STIL: variants seen among roughly 807,000 people sequenced by gnomAD.
The protein encoded by STIL is SCL-interrupting locus protein.
Under a neutral mutation model 110.1 loss-of-function variants are expected in STIL, and 55 were observed. The observed-to-expected ratio is 0.50, with a 90% CI of 0.40 to 0.63. STIL has a LOEUF of 0.63. Ranked by LOEUF, STIL falls within the 20% of genes least tolerant of loss-of-function variation. The pLI is 0.00. For synonymous variants in STIL, 481 were observed against 530.0 expected (o/e 0.91, Z 1.27); for missense variants, 1,358 against 1,530.0 (o/e 0.89, Z 1.87).
In STIL at chr1:47,262,933, T is replaced by C; in HGVS notation, c.2799A>G (p.Ser933=). 1 of 1,614,202 alleles carries C rather than the reference T, an allele frequency of 6.2e-7. No individual in the cohort carries two copies. Among genetic ancestry groups the C allele is most frequent in the Non-Finnish European group, 8.5e-7 (1 of 1,180,020 alleles). The stretch of plus-strand genomic sequence containing the variant: ...AATCCTGGTAAATTTTCTGGTTATC[T>C]GATGGTTGATGAAGCAAGGGTTGCA... ...HVMQPLLHQP[S]DNQKIYQDLL... Residue 933 remains serine (S), a synonymous_variant, in exon 15 of 17, where the codon TCA becomes TCG. Coordinates refer to ENST00000371877, the MANE Select transcript of STIL (RefSeq NM_001048166.1).
intron 10 of STIL, among the ~76,000 whole-genome samples, chr1:47,285,724 G>A (rs1239246177): frequency 6.6e-6 from 1 of 152,062 alleles, no homozygotes; most frequent in Non-Finnish European, 1.5e-5. Flanking sequence ...CTCCCAAAGT[G>A]CTGGGATTAC....
In STIL at chr1:47,280,549, G is replaced by A; in HGVS notation, c.1909C>T (p.Leu637Phe). ...GGGTGAAATAATGAATGCTTTTGAA[G>A]GGCTTCAGACTGGACATCTTGAATG... is the stretch of plus-strand genomic sequence containing the variant. ...GSIQDVQSEALQKHSLFHPSG... is the reference protein window; with the variant it reads ...GSIQDVQSEAFQKHSLFHPSG... The change falls in exon 12 of 17, where the codon CTT becomes TTT. Residue 637 changes from leucine (L) to phenylalanine (F), a missense_variant. Physicochemically the swap from Leu to Phe is conservative, Grantham distance 22 (BLOSUM62 0). Coordinates refer to ENST00000371877, the MANE Select transcript of STIL (RefSeq NM_001048166.1). The A allele has an allele frequency of 6.2e-7, 1 of 1,614,244 alleles. No individual in the cohort carries two copies. Among genetic ancestry groups the A allele is most frequent in the East Asian group, 2.2e-5 (1 of 44,888 alleles).
Position 47,250,841 on chromosome 1 carries a change from A to G in STIL, c.*295T>C, listed in dbSNP as rs1295545748. 6.3e-6 allele frequency: 2 copies of G among 316,426 alleles called. No individual in the cohort carries two copies. Among genetic ancestry groups the G allele is most frequent in the African/African-American group, 4.3e-5 (2 of 46,898 alleles). The allele number at this position is 316,426 out of a possible 1,614,324, so 19.6% of individuals were successfully genotyped here. On this transcript the variant is annotated 3_prime_UTR_variant, in exon 17 of 17. Transcript: ENST00000371877. The stretch of plus-strand genomic sequence containing the variant: ...CTCAAAAAAAAAAGTACAGTATAAA[A>G]GAGCAGTTGAGACTTAGAGCTGGAT...
At chr1:47,269,423 A>G (rs1644754389) in intron 14 of STIL, among the ~76,000 whole-genome samples, 2 of 152,226 alleles carry the variant, frequency 1.3e-5, no homozygotes, top group Non-Finnish European at 1.5e-5. Context: ...TACATTGTAT[A>G]TTTCAAAATT....
rs139856969 is a variant in STIL at position 47,251,432 on chromosome 1, C to T, written c.3571G>A (p.Ala1191Thr). ...ATATTTCTCAATACTGGCGTATCTG[C>T]GTTGGTCCCCACAGATTCACAGTTA... ...CSNCESVGTNADTPVLRNITN... is the reference protein window; with the variant it reads ...CSNCESVGTNTDTPVLRNITN... The change falls in exon 17 of 17, where the codon GCA (alanine) becomes ACA (threonine). Residue 1191 changes from alanine to threonine, a missense_variant. Transcript: ENST00000371877. 70 of 1,614,034 alleles carry T rather than the reference C, an allele frequency of 4.3e-5. No individual in the cohort carries two copies. The highest frequency in any genetic ancestry group is 5.8e-5 in the Non-Finnish European group (69 of 1,180,042).
intron 10 of STIL, among the ~76,000 whole-genome samples, chr1:47,286,956 CA>C (rs1479659538): frequency 6.6e-6 from 1 of 152,120 alleles, no homozygotes; most frequent in Non-Finnish European, 1.5e-5. Context: ...CTCCTGACCT[CA>C]AGTGATCTGC....
rs1327982293 is a variant in STIL at position 47,263,011 on chromosome 1, C to T, written c.2721G>A (p.Gly907=). The part of the protein sequence containing the change: ...VSMCLQTGPT[G]GASNNSETSE... ...ATGTTTCAGAATTGTTACTGGCACC[C>T]CCTGTTGGTCCAGTCTGTAAACACA... Residue 907 remains glycine, a synonymous_variant, in exon 15 of 17, where the codon GGG becomes GGA. Transcript: ENST00000371877. 3.1e-6 allele frequency: 5 copies of T among 1,614,004 alleles called. No individual in the cohort carries two copies. The highest frequency in any genetic ancestry group is 1.6e-4 in the Middle Eastern group (1 of 6,084).
At chr1:47,294,205 T>C (rs1340152138) in intron 7 of STIL, among the ~76,000 whole-genome samples, 2 of 152,216 alleles carry the variant, frequency 1.3e-5, no homozygotes, top group East Asian at 3.8e-4. Context: ...TTGTCTTCTC[T>C]AGGAAAATGC....
In STIL at chr1:47,260,362, G is replaced by T. The variant is rs1251585559; in HGVS notation, c.3007C>A (p.Leu1003Ile). Residue 1003 changes from leucine (L) to isoleucine (I), a missense_variant, in exon 16 of 17, where the codon CTA (leucine) becomes ATA (isoleucine). Physicochemically the swap from Leu to Ile is conservative, Grantham distance 5. Coordinates refer to ENST00000371877, the MANE Select transcript of STIL (RefSeq NM_001048166.1). ...TCAATTTTTACTCCAAGGCTTCTTAGTTGCTTAAGAGTTGCATTAAGGACA... is the reference window on the plus strand; with the variant it reads ...TCAATTTTTACTCCAAGGCTTCTTATTTGCTTAAGAGTTGCATTAAGGACA... ...DCVLNATLKQ[L>I]RSLGVKIDSP... 1 of 1,614,046 alleles carries T rather than the reference G, an allele frequency of 6.2e-7. No homozygotes were observed. The highest frequency in any genetic ancestry group is 1.1e-5 in the South Asian group (1 of 91,084).
At chr1:47,281,635 C>T (rs1645160742) in intron 11 of STIL, among the ~76,000 whole-genome samples, 1 of 151,986 alleles carries the variant, frequency 6.6e-6, no homozygotes, top group South Asian at 2.1e-4. Flanking sequence ...TAAAATCTTC[C>T]AATAAATGTT....
chr1:47,301,717 G>A lies in STIL; in HGVS notation c.297C>T (p.Arg99=). 1 of 1,613,966 alleles carries A rather than the reference G, an allele frequency of 6.2e-7. No individual in the cohort carries two copies. The highest frequency in any genetic ancestry group is 8.5e-7 in the Non-Finnish European group (1 of 1,179,996). ...CAGGTACTTCTCGACCAGGATCAAA[G>A]CGATCTACTGTCAATGTTACACCTT... ...DEEGVTLTVD[R]FDPGREVPEC... is the part of the protein sequence containing the mutation. Residue 99 remains arginine, a synonymous_variant, in exon 5 of 17, where the codon CGC becomes CGT. Transcript: ENST00000371877.
In STIL at chr1:47,280,507, G is replaced by T. The variant is rs1360207532; in HGVS notation, c.1951C>A (p.Leu651Met). 9 of 1,614,134 alleles carry T rather than the reference G, an allele frequency of 5.6e-6. No homozygotes were observed. Among genetic ancestry groups the T allele is most frequent in the Non-Finnish European group, 7.6e-6 (9 of 1,180,048 alleles). ...SLFHPSGCPALYCNAFCSSSS... is the reference protein window; with the variant it reads ...SLFHPSGCPAMYCNAFCSSSS... ...GAAGAACAGAATGCATTACAGTACAGGGCTGGACATCCACTTGGGTGAAAT... is the reference window on the plus strand; with the variant it reads ...GAAGAACAGAATGCATTACAGTACATGGCTGGACATCCACTTGGGTGAAAT... Residue 651 changes from leucine (L) to methionine (M), a missense_variant, in exon 12 of 17, where the codon CTG (leucine) becomes ATG (methionine). By Grantham distance (15) the Leu-to-Met change is conservative. Transcript: ENST00000371877.
chr1:47,292,469 G>C (rs1645523430), intron 8 of STIL, among the ~76,000 whole-genome samples: 1 of 152,200 alleles, frequency 6.6e-6, no homozygotes, highest in Middle Eastern at 3.4e-3. Context: ...AAAATGTTCA[G>C]TCTACCACTA....
At chr1:47,311,280 T>C (rs1303200540) in intron 1 of STIL, among the ~76,000 whole-genome samples, 3 of 147,734 alleles carry the variant, frequency 2.0e-5, no homozygotes, top group African/African-American at 7.9e-5. Context: ...CTTTTCTTTT[T>C]TTCTTTTTTT....
At chr1:47,259,285 CTTTTTTTTTTT>C (rs3043082) in intron 16 of STIL, among the ~76,000 whole-genome samples, 3 of 76,096 alleles carry the variant, frequency 3.9e-5, no homozygotes, top group Admixed American at 3.7e-4. Context: ...CGCGCCCGGC[CTTTTTTTTTTT>C]TTTTTTTTTG....
At chr1:47,252,095 T>C (rs1193488363) in intron 16 of STIL, among the ~76,000 whole-genome samples, 173 bp from the exon 17 acceptor site, 9 of 152,204 alleles carry the variant, frequency 5.9e-5, no homozygotes, top group Non-Finnish European at 1.2e-4. Flanking sequence ...AAAGGATACA[T>C]ATGGGCTGGG....
intron 3 of STIL, 22 bp from the exon 4 acceptor site, chr1:47,302,368 A>T: frequency 6.4e-7 from 1 of 1,566,920 alleles, no homozygotes. Context: ...CAAGTCTTTT[A>T]TGAATATGGT....
chr1:47,272,448 AT>A lies in STIL; in HGVS notation c.2218-208del, dbSNP rs60685133. 0.53 allele frequency among the ~76,000 whole-genome samples: 76,777 copies of A among 145,840 alleles called. 20,773 individuals carry two copies. Among genetic ancestry groups the A allele is most frequent in the South Asian group, 0.67 (3,059 of 4,550 alleles). On this transcript the variant is annotated intron_variant, in intron 12 of 16. Coordinates refer to ENST00000371877, the MANE Select transcript of STIL (RefSeq NM_001048166.1). ...TATTAAGAAGCACTTTAAGTATACT[AT>A]TTTTTTTTTTTTTTGAGACAAGGTC...
chr1:47,292,696 T>C (rs571143177), intron 8 of STIL, among the ~76,000 whole-genome samples: 2 of 152,348 alleles, frequency 1.3e-5, no homozygotes, highest in East Asian at 1.9e-4. Context: ...TATTGAAATA[T>C]TGACTATTTC....
Sources: gnomAD v4.1 joint callset for allele counts (sites outside exome capture counted in the v4.1 genomes callset) on GRCh38, gnomAD v4.1.1 for gene constraint, MANE v1.5 for transcripts, NCBI Gene and HGNC (gene_info 2026-07-23, HGNC 2026-07-21) for gene names.